Variants in MACROD2 observed in about 807,000 individuals in gnomAD.
MACROD2 encodes the protein ADP-ribose glycohydrolase MACROD2.
In MACROD2, 36 loss-of-function variants were observed where a neutral mutation model predicts 70.4. The ratio of observed to expected loss-of-function variants is 0.51; its 90% CI spans 0.39 to 0.68. The LOEUF (loss-of-function observed/expected upper bound fraction) is 0.68. Among genes scored for constraint, MACROD2 ranks in the 30% least tolerant of loss-of-function variants. The pLI is 0.00. For missense variants in MACROD2, 496 were observed against 538.4 expected (o/e 0.92, Z 0.78); for synonymous variants, 172 against 178.8 (o/e 0.96, Z 0.30).
At chr20:14,555,832 C>T (rs1978994952) in intron 4 of MACROD2, among the ~76,000 whole-genome samples, 1 of 151,960 alleles carries the variant, frequency 6.6e-6, no homozygotes, top group Non-Finnish European at 1.5e-5. Context: ...GCATGGTTAT[C>T]TGGGATGAGT....
intron 6 of MACROD2, among the ~76,000 whole-genome samples, chr20:15,379,837 C>T (rs1162011709): frequency 6.6e-6 from 1 of 152,074 alleles, no homozygotes; most frequent in Admixed American, 6.6e-5. Context: ...TATGTCACTC[C>T]CATGCTTTAA....
intron 5 of MACROD2, among the ~76,000 whole-genome samples, chr20:15,097,298 G>A (rs2075841052): frequency 6.6e-6 from 1 of 152,126 alleles, no homozygotes; most frequent in Admixed American, 6.5e-5. Flanking sequence ...GTATGTCATG[G>A]AGTATGTATA....
chr20:14,726,217 C>T (rs560497345), intron 5 of MACROD2, among the ~76,000 whole-genome samples: 5 of 152,038 alleles, frequency 3.3e-5, no homozygotes, highest in Non-Finnish European at 5.9e-5. Flanking sequence ...CCTTGAGTGC[C>T]AAAGACATCA....
At chr20:15,798,903 T>C (rs973927201) in intron 8 of MACROD2, among the ~76,000 whole-genome samples, 1 of 152,170 alleles carries the variant, frequency 6.6e-6, no homozygotes, top group African/African-American at 2.4e-5. Flanking sequence ...ACAGTATTGA[T>C]TTTTTATTTC....
chr20:14,105,767 CA>C (rs2148681742), intron 3 of MACROD2, among the ~76,000 whole-genome samples: 1 of 152,236 alleles, frequency 6.6e-6, no homozygotes, highest in African/African-American at 2.4e-5. Context: ...GAGAGGAGAG[CA>C]AGGAGTGAAG....
At chr20:14,100,407 C>T (rs563873309) in intron 3 of MACROD2, among the ~76,000 whole-genome samples, 26 of 150,326 alleles carry the variant, frequency 1.7e-4, no homozygotes, top group Admixed American at 6.7e-4. Flanking sequence ...AAATAAGATT[C>T]GTCTAATTTC....
intron 7 of MACROD2, among the ~76,000 whole-genome samples, chr20:15,491,603 C>T (rs1273495777): frequency 3.3e-5 from 5 of 152,248 alleles, no homozygotes; most frequent in Non-Finnish European, 7.3e-5. Context: ...AACTATAAAG[C>T]ACACACCTCA....
chr20:15,142,176 G>C (rs1047779688), intron 5 of MACROD2, among the ~76,000 whole-genome samples: 21 of 152,124 alleles, frequency 1.4e-4, no homozygotes, highest in Non-Finnish European at 2.9e-5. Flanking sequence ...GTCTCTCCTA[G>C]CATCTAACGC....
intron 4 of MACROD2, 58 bp from the exon 5 acceptor site, chr20:14,684,785 A>C: frequency 7.2e-7 from 1 of 1,385,778 alleles, no homozygotes; most frequent in Non-Finnish European, 1.0e-6. Context: ...TCCCATCTTG[A>C]GCTTTATATT....
chr20:14,651,121 C>A (rs1176576456), intron 4 of MACROD2, among the ~76,000 whole-genome samples: 1 of 152,124 alleles, frequency 6.6e-6, no homozygotes, highest in African/African-American at 2.4e-5. Flanking sequence ...AATTAAATGT[C>A]ATTAAATAGA....
rs79717065 is a variant in MACROD2 at position 14,882,081 on chromosome 20, A to G, written c.418+197122A>G. 6.2e-3 allele frequency among the ~76,000 whole-genome samples: 948 copies of G among 152,330 alleles called. 13 individuals are homozygous for G. The highest frequency in any genetic ancestry group is 0.022 in the African/African-American group (913 of 41,588). On this transcript the variant is annotated intron_variant, in intron 5 of 17. Transcript: ENST00000684519. ...CAAATCCCTACAGGAACCATCTTTA[A>G]TAAGTGTCAAAGTAAGGAGTCAAGC...
chr20:14,899,351 G>A (rs371656554), intron 5 of MACROD2, among the ~76,000 whole-genome samples: 8 of 152,268 alleles, frequency 5.3e-5, no homozygotes, highest in African/African-American at 1.9e-4. Flanking sequence ...GAAATATAGC[G>A]TCTCACAGTT....
At chr20:14,410,504 C>T (rs1359159341) in intron 3 of MACROD2, among the ~76,000 whole-genome samples, 4 of 152,022 alleles carry the variant, frequency 2.6e-5, no homozygotes, top group East Asian at 1.9e-4. Context: ...TGTGTTAATG[C>T]GTTTAGGATG....
At position 15,746,503 on chromosome 20, in the gene MACROD2, T is replaced by A. The variant is rs190513890; in HGVS notation, c.646-116242T>A. Among the ~76,000 whole-genome samples the A allele has an allele frequency of 4.8e-3, 729 of 150,428 alleles. 5 individuals are homozygous for A. The highest frequency in any genetic ancestry group is 0.017 in the African/African-American group (699 of 40,864). ...TACCATTTAGTTTTACTTGCCTTAT[T>A]GCACTTATTTCCAGTGAAACAGTAA... On this transcript the variant is annotated intron_variant, in intron 8 of 17. Coordinates refer to ENST00000684519, the MANE Select transcript of MACROD2 (RefSeq NM_001351661.2).
At chr20:14,355,579 T>A (rs2083164632) in intron 3 of MACROD2, among the ~76,000 whole-genome samples, 2 of 99,022 alleles carry the variant, frequency 2.0e-5, no homozygotes, top group African/African-American at 6.7e-5. Flanking sequence ...GGTTTTTTTG[T>A]GATGACATGG....
chr20:14,778,295 G>A (rs1248206357), intron 5 of MACROD2, among the ~76,000 whole-genome samples: 5 of 152,028 alleles, frequency 3.3e-5, no homozygotes, highest in Admixed American at 2.0e-4. Flanking sequence ...CTGTCATTGC[G>A]CCCTGTCCGG....
At chr20:15,739,884 A>G (rs1035964285) in intron 8 of MACROD2, among the ~76,000 whole-genome samples, 3 of 152,226 alleles carry the variant, frequency 2.0e-5, no homozygotes, top group African/African-American at 7.2e-5. Context: ...TCAAGGACTG[A>G]TGTAAAGTTG....
At chr20:14,700,208 T>C (rs543246135) in intron 5 of MACROD2, among the ~76,000 whole-genome samples, 1 of 152,274 alleles carries the variant, frequency 6.6e-6, no homozygotes, top group South Asian at 2.1e-4. Context: ...TTTGTGTGTG[T>C]GTCTCTGTGT....
At chr20:14,612,782 T>G (rs1268041364) in intron 4 of MACROD2, among the ~76,000 whole-genome samples, 1 of 152,124 alleles carries the variant, frequency 6.6e-6, no homozygotes, top group Non-Finnish European at 1.5e-5. Context: ...TTTTGCATAA[T>G]TTTTTAAATT....
Sources: allele counts gnomAD v4.1 joint callset (sites outside exome capture counted in the v4.1 genomes callset), GRCh38; gene constraint gnomAD v4.1.1; transcripts MANE v1.5; gene names NCBI Gene and HGNC (gene_info 2026-07-23, HGNC 2026-07-21).